The following OR4F6 variants were observed in gnomAD, a reference collection of about 807,000 sequenced individuals.
OR4F6 encodes the protein olfactory receptor 4F6.
A neutral mutation model predicts 15.9 loss-of-function variants in OR4F6; 13 were observed. The ratio of observed to expected loss-of-function variants is 0.82; its 90% confidence interval spans 0.53 to 1.30. OR4F6 has a LOEUF of 1.30. Among genes scored for constraint, OR4F6 ranks in the 50% most tolerant of loss-of-function variants. The pLI is 0.00. For missense variants in OR4F6, 426 were observed against 367.2 expected (o/e 1.16, Z -1.31); for synonymous variants, 150 against 133.8 (o/e 1.12, Z -0.83).
At chr15:101,805,530 A>G (rs1036134268) in intron 1 of OR4F6, among the ~76,000 whole-genome samples, 157 bp from the exon 2 acceptor site, 1 of 152,202 alleles carries the variant, frequency 6.6e-6, no homozygotes, top group Non-Finnish European at 1.5e-5. Flanking sequence ...CAAAATTTAC[A>G]ATAGAGGAAT....
At chr15:101,804,171 A>G (rs1019113307) in intron 1 of OR4F6, among the ~76,000 whole-genome samples, 3 of 1,910 alleles carry the variant, frequency 1.6e-3, no homozygotes, top group African/African-American at 9.0e-3. Flanking sequence ...GGCAGTAGGA[A>G]CAGTAATTTG....
At chr15:101,805,156 A>G (rs1040280050) in intron 1 of OR4F6, among the ~76,000 whole-genome samples, 2 of 152,216 alleles carry the variant, frequency 1.3e-5, no homozygotes, top group Admixed American at 1.3e-4. Flanking sequence ...CATGATTTAC[A>G]ATGACCAGAA....
At position 101,805,924 on chromosome 15, in the gene OR4F6, A is replaced by G. The variant is rs150337831; in HGVS notation, c.205A>G (p.Ile69Val). ...CTTCCTGCTGGCCAACCTTTCCATC[A>G]TCAATTTGGTATTTTGTTCCTCCAC... is the stretch of plus-strand genomic sequence containing the variant. ...MYFLLANLSIINLVFCSSTAP... is the reference protein window; with the variant it reads ...MYFLLANLSIVNLVFCSSTAP... The change falls in exon 2 of 2, where the codon ATC becomes GTC. Residue 69 changes from isoleucine to valine, a missense_variant. By Grantham distance (29) the Ile-to-Val change is conservative. Coordinates refer to ENST00000328882, the MANE Select transcript of OR4F6 (RefSeq NM_001005326.2). 2.7e-3 allele frequency: 4,287 copies of G among 1,614,006 alleles called. 13 individuals are homozygous for G. The highest frequency in any genetic ancestry group is 3.3e-3 in the Non-Finnish European group (3,882 of 1,179,984).
At position 101,806,060 on chromosome 15, in the gene OR4F6, T is replaced by A. The variant is rs758759745; in HGVS notation, c.341T>A (p.Leu114Gln). Residue 114 changes from leucine (L) to glutamine (Q), a missense_variant, in exon 2 of 2, where the codon CTG becomes CAG. Leu to Gln is a moderately radical substitution (Grantham distance 113). Coordinates refer to ENST00000328882, the MANE Select transcript of OR4F6 (RefSeq NM_001005326.2). ...IHAVGGTEMV[L>Q]LIAMAFDRYV... ...GCAGTTGGGGGAACTGAGATGGTGC[T>A]GCTCATAGCCATGGCTTTTGACCGA... 6.2e-7 allele frequency: 1 copy of A among 1,614,192 alleles called. No individual in the cohort carries two copies. The highest frequency in any genetic ancestry group is 8.5e-7 in the Non-Finnish European group (1 of 1,180,010).
rs575697704 is a variant in OR4F6, at chr15:101,805,890, C to G, written c.171C>G (p.Ser57=). 6.2e-7 allele frequency: 1 copy of G among 1,614,092 alleles called. No individual in the cohort carries two copies. Among genetic ancestry groups the G allele is most frequent in the Admixed American group, 1.7e-5 (1 of 60,008 alleles). The stretch of plus-strand genomic sequence containing the variant: ...TGACCTCTGACCCTCGTTTACAGTC[C>G]CCCATGTACTTCCTGCTGGCCAACC... ...LTVTSDPRLQ[S]PMYFLLANLS... Residue 57 remains serine, a synonymous_variant, in exon 2 of 2, where the codon TCC becomes TCG. Transcript: ENST00000328882.
At position 101,806,184 on chromosome 15, in the gene OR4F6, C is replaced by T; in HGVS notation, c.465C>T (p.His155=). 6.2e-7 allele frequency: 1 copy of T among 1,614,114 alleles called. No individual in the cohort carries two copies. Among genetic ancestry groups the T allele is most frequent in the Non-Finnish European group, 8.5e-7 (1 of 1,179,966 alleles). Residue 155 remains histidine (H), a synonymous_variant, in exon 2 of 2, where the codon CAC becomes CAT. Transcript: ENST00000328882. ...LVISWIIGII[H]SVIQLAFVVD... ...TTTCCTGGATTATAGGTATTATTCACTCAGTGATTCAGTTGGCTTTTGTTG... is the reference window on the plus strand; with the variant it reads ...TTTCCTGGATTATAGGTATTATTCATTCAGTGATTCAGTTGGCTTTTGTTG...
intron 1 of OR4F6, 112 bp from the exon 2 acceptor site, chr15:101,805,575 G>A (rs1400856004): frequency 1.6e-6 from 1 of 623,716 alleles, no homozygotes; most frequent in Non-Finnish European, 2.8e-6. Flanking sequence ...GTCTCTAAAG[G>A]CATATATTAG....
Position 101,806,768 on chromosome 15 carries a change from T to C in OR4F6, c.*110T>C. The C allele has an allele frequency of 5.0e-6, 3 of 604,250 alleles. No individual in the cohort carries two copies. The highest frequency in any genetic ancestry group is 8.2e-6 in the Non-Finnish European group (3 of 366,196). The allele number at this position is 604,250 out of a possible 1,614,324, so 37.4% of individuals were successfully genotyped here. A position where few individuals can be genotyped will look rare whatever the true frequency, so the allele number is the denominator to read the frequency against. On this transcript the variant is annotated 3_prime_UTR_variant, in exon 2 of 2. Coordinates refer to ENST00000328882, the MANE Select transcript of OR4F6 (RefSeq NM_001005326.2). Reference sequence around the variant, plus strand: ...AATATCACTTTCTACTAGTATGTATTGTGTTGTCTTTTTTTTCTTCCCAAA... The same window carrying C: ...AATATCACTTTCTACTAGTATGTATCGTGTTGTCTTTTTTTTCTTCCCAAA...
rs759883032 is a variant in OR4F6, at chr15:101,806,595, A to G, written c.876A>G (p.Lys292=). ...CAGTCATCTATACTTTTAGAAATAA[A>G]GAGATGATGGTGGCAATGAGAAGAC... ...LNPVIYTFRN[K]EMMVAMRRRC... is the part of the protein sequence containing the mutation. The change falls in exon 2 of 2, where the codon AAA becomes AAG. Residue 292 remains lysine (K), a synonymous_variant. Coordinates refer to ENST00000328882, the MANE Select transcript of OR4F6 (RefSeq NM_001005326.2). The G allele has an allele frequency of 5.6e-6, 9 of 1,608,930 alleles. No homozygotes were observed. The highest frequency in any genetic ancestry group is 5.6e-5 in the South Asian group (5 of 89,580).
Position 101,806,178 on chromosome 15 carries a change from T to C in OR4F6, c.459T>C (p.Ile153=). ...LFLVISWIIG[I]IHSVIQLAFV... is the part of the protein sequence containing the mutation. ...TAGTCATTTCCTGGATTATAGGTAT[T>C]ATTCACTCAGTGATTCAGTTGGCTT... The change falls in exon 2 of 2, where the codon ATT becomes ATC. Residue 153 remains isoleucine, a synonymous_variant. Coordinates refer to ENST00000328882, the MANE Select transcript of OR4F6 (RefSeq NM_001005326.2). 6.2e-7 allele frequency: 1 copy of C among 1,614,172 alleles called. No homozygotes were observed. Among genetic ancestry groups the C allele is most frequent in the South Asian group, 1.1e-5 (1 of 91,082 alleles).
In OR4F6 at chr15:101,806,250, C is replaced by G. The variant is rs1266506926; in HGVS notation, c.531C>G (p.Phe177Leu). 6.2e-7 allele frequency: 1 copy of G among 1,613,896 alleles called. No individual in the cohort carries two copies. The change falls in exon 2 of 2, where the codon TTC (phenylalanine) becomes TTG (leucine). Residue 177 changes from phenylalanine (F) to leucine (L), a missense_variant. Phe to Leu is a conservative substitution (Grantham distance 22, BLOSUM62 0). Transcript: ENST00000328882. ...LFCGPNELDS[F>L]FCDLPRFIKL... Reference sequence around the variant, plus strand: ...GTGGCCCTAATGAATTAGATAGTTTCTTTTGTGATCTTCCTCGATTTATCA... The same window carrying G: ...GTGGCCCTAATGAATTAGATAGTTTGTTTTGTGATCTTCCTCGATTTATCA...
At position 101,806,806 on chromosome 15, in the gene OR4F6, A is replaced by G; in HGVS notation, c.*148A>G. The G allele has an allele frequency of 1.9e-6, 1 of 515,000 alleles. No individual in the cohort carries two copies. The highest frequency in any genetic ancestry group is 3.4e-6 in the Non-Finnish European group (1 of 298,256). The allele number at this position is 515,000 out of a possible 1,614,324, so 31.9% of individuals were successfully genotyped here. On this transcript the variant is annotated 3_prime_UTR_variant, in exon 2 of 2. Coordinates refer to ENST00000328882, the MANE Select transcript of OR4F6 (RefSeq NM_001005326.2). ...TTTTCTTCCCAAATTGAATTGTGGT[A>G]TCAATCTCTTGCTTATATAGGAGAT...
rs753396978 is a variant in OR4F6 at position 101,806,421 on chromosome 15, C to T, written c.702C>T (p.Phe234=). The change falls in exon 2 of 2, where the codon TTC becomes TTT. Residue 234 remains phenylalanine, a synonymous_variant. Transcript: ENST00000328882. ...TVQKKSSGGI[F]KAFSMLSAHV... is the part of the protein sequence containing the mutation. ...AGAAAAAATCTTCAGGTGGTATATT[C>T]AAGGCTTTCTCTATGCTGTCAGCTC... 13 of 1,613,418 alleles carry T rather than the reference C, an allele frequency of 8.1e-6. No individual in the cohort carries two copies. In the Admixed American group the frequency reaches 2.2e-4, roughly 27 times the overall value.
chr15:101,804,188 A>G (rs573859590), intron 1 of OR4F6, among the ~76,000 whole-genome samples: 74 of 152,148 alleles, frequency 4.9e-4, no homozygotes, highest in African/African-American at 1.7e-3. Context: ...TTTGGGGAGC[A>G]TGCAACTCCA....
At position 101,806,139 on chromosome 15, in the gene OR4F6, G is replaced by T; in HGVS notation, c.420G>T (p.Arg140Ser). The T allele has an allele frequency of 1.2e-6, 2 of 1,614,182 alleles. No individual in the cohort carries two copies. The highest frequency in any genetic ancestry group is 1.7e-6 in the Non-Finnish European group (2 of 1,180,038). The part of the protein sequence containing the change: ...LHYLTIMNPQ[R>S]CILFLVISWI... The stretch of plus-strand genomic sequence containing the variant: ...ACCTGACCATCATGAACCCACAAAG[G>T]TGCATTTTGTTTTTAGTCATTTCCT... Residue 140 changes from arginine to serine, a missense_variant, in exon 2 of 2, where the codon AGG (arginine) becomes AGT (serine). Coordinates refer to ENST00000328882, the MANE Select transcript of OR4F6 (RefSeq NM_001005326.2).
Position 101,804,240 on chromosome 15 carries a change from C to T in OR4F6, c.-34+695C>T, listed in dbSNP as rs547750796. On this transcript the variant is annotated intron_variant, in intron 1 of 1. Transcript: ENST00000328882. ...CTCTTTTTCATATTTTAAGTGGTGTCCTGAGCCCTTTCTACCCATCTTTAT... is the reference window on the plus strand; with the variant it reads ...CTCTTTTTCATATTTTAAGTGGTGTTCTGAGCCCTTTCTACCCATCTTTAT... Among the ~76,000 whole-genome samples, 29 of 152,246 alleles carry T rather than the reference C, an allele frequency of 1.9e-4. No homozygotes were observed. In the South Asian group the frequency reaches 6.0e-3, roughly 32 times the overall value.
In OR4F6 at chr15:101,806,884, A is replaced by G. The variant is rs7169656; in HGVS notation, c.*226A>G. Reference sequence around the variant, plus strand: ...ATTTCACCAACATTATTACCTATATATAATGTCAAATAGAATTACTCTAAA... The same window carrying G: ...ATTTCACCAACATTATTACCTATATGTAATGTCAAATAGAATTACTCTAAA... On this transcript the variant is annotated 3_prime_UTR_variant, in exon 2 of 2. Coordinates refer to ENST00000328882, the MANE Select transcript of OR4F6 (RefSeq NM_001005326.2). 0.22 allele frequency: 75,241 copies of G among 341,852 alleles called. 9,040 individuals carry two copies. Among genetic ancestry groups the G allele is most frequent in the Middle Eastern group, 0.27 (326 of 1,220 alleles). The allele number at this position is 341,852 out of a possible 1,614,324, so 21.2% of individuals were successfully genotyped here. A position where few individuals can be genotyped will look rare whatever the true frequency, so the allele number is the denominator to read the frequency against.
At chr15:101,804,119 G>A (rs1293488092) in intron 1 of OR4F6, among the ~76,000 whole-genome samples, 1 of 152,140 alleles carries the variant, frequency 6.6e-6, no homozygotes, top group East Asian at 1.9e-4. Context: ...TTTCATTCAG[G>A]TCATAACAAC....
Position 101,806,707 on chromosome 15 carries a change from G to C in OR4F6, c.*49G>C, listed in dbSNP as rs1465634150. The C allele has an allele frequency of 9.5e-7, 1 of 1,057,720 alleles. No individual in the cohort carries two copies. Among genetic ancestry groups the C allele is most frequent in the East Asian group, 2.6e-5 (1 of 38,434 alleles). The allele number at this position is 1,057,720 out of a possible 1,614,324, so 65.5% of individuals were successfully genotyped here. ...GCAAATTATACTAGAATTTCAGACAGATATGTGTTAAGTAAGCTATGTTAA... is the reference window on the plus strand; with the variant it reads ...GCAAATTATACTAGAATTTCAGACACATATGTGTTAAGTAAGCTATGTTAA... On this transcript the variant is annotated 3_prime_UTR_variant, in exon 2 of 2. Transcript: ENST00000328882.
Sources: allele counts gnomAD v4.1 joint callset (sites outside exome capture counted in the v4.1 genomes callset), GRCh38; gene constraint gnomAD v4.1.1; transcripts MANE v1.5; gene names NCBI Gene and HGNC (gene_info 2026-07-23, HGNC 2026-07-21).